The following LRRC49 variants were observed in gnomAD, a reference collection of about 807,000 sequenced individuals.
LRRC49 encodes the protein leucine-rich repeat-containing protein 49.
Under a neutral mutation model 83.3 loss-of-function variants are expected in LRRC49, and 50 were observed. The observed-to-expected ratio is 0.60, with a 90% CI of 0.48 to 0.76. The LOEUF is 0.76. Ranked by LOEUF, LRRC49 falls within the 30% of genes least tolerant of loss-of-function variation. LRRC49 has a pLI of 0.00. For missense variants in LRRC49, 704 were observed against 809.1 expected, an observed-to-expected ratio of 0.87 and a Z score of 1.58; for synonymous variants, 286 against 283.3, an observed-to-expected ratio of 1.01 and a Z score of -0.10.
At chr15:70,854,059 G>A in intron 1 of LRRC49, 2 of 1,392,296 alleles carry the variant, frequency 1.4e-6, no homozygotes, top group African/African-American at 1.5e-5. Flanking sequence ...TCTTGGGCCC[G>A]GGCCGAGCCT....
At chr15:70,957,164 T>C (rs2036432448) in intron 8 of LRRC49, among the ~76,000 whole-genome samples, 1 of 152,238 alleles carries the variant, frequency 6.6e-6, no homozygotes, top group South Asian at 2.1e-4. Context: ...ATTAGATCAA[T>C]TTAATTCCCC....
intron 1 of LRRC49, among the ~76,000 whole-genome samples, chr15:70,864,435 G>T (rs1445252331): frequency 1.3e-5 from 2 of 151,924 alleles, no homozygotes; most frequent in Non-Finnish European, 2.9e-5. Flanking sequence ...AAGGGGAGAG[G>T]TGTGGGTGAT....
chr15:71,044,470 T>G (rs1336276589), intron 15 of LRRC49, among the ~76,000 whole-genome samples: 1 of 152,182 alleles, frequency 6.6e-6, no homozygotes, highest in Non-Finnish European at 1.5e-5. Flanking sequence ...AATCAGGAAT[T>G]TAAAACATAT....
At chr15:70,997,047 A>G (rs1395774618) in intron 11 of LRRC49, among the ~76,000 whole-genome samples, 2 of 152,072 alleles carry the variant, frequency 1.3e-5, no homozygotes, top group Non-Finnish European at 2.9e-5. Context: ...GGTTTTCTAT[A>G]TATGTCTGCT....
chr15:70,980,271 G>C (rs535631695), intron 10 of LRRC49, 87 bp downstream of exon 10: 58 of 910,214 alleles, frequency 6.4e-5, no homozygotes, highest in Non-Finnish European at 1.6e-5. Context: ...TGGAAAAGTG[G>C]TTTCTAAACT....
chr15:70,893,489 T>C (rs1306805445), intron 1 of LRRC49, 95 bp from the exon 2 acceptor site: 1 of 745,986 alleles, frequency 1.3e-6, no homozygotes, highest in African/African-American at 1.8e-5. Context: ...TGTGTTCTAT[T>C]TTTTTGTTGT....
intron 8 of LRRC49, among the ~76,000 whole-genome samples, chr15:70,956,514 A>T (rs1217640794): frequency 6.6e-6 from 1 of 151,914 alleles, no homozygotes; most frequent in Admixed American, 6.6e-5. Flanking sequence ...AAAAAAAAAA[A>T]AAAGGTGGGG....
upstream of LRRC49, among the ~76,000 whole-genome samples, chr15:70,889,911 A>C (rs531602500): frequency 5.6e-4 from 85 of 152,362 alleles, no homozygotes; most frequent in Non-Finnish European, 9.1e-4. Flanking sequence ...GACCAGGCTA[A>C]ACATTTATTG....
intron 10 of LRRC49, among the ~76,000 whole-genome samples, chr15:70,981,219 A>G (rs1017763982): frequency 1.3e-5 from 2 of 151,952 alleles, no homozygotes; most frequent in African/African-American, 4.8e-5. Context: ...AATGGGATGG[A>G]CATTCTCAGC....
In LRRC49 at chr15:70,900,908, A is replaced by G. The variant is rs183705863; in HGVS notation, c.194-14A>G. The G allele has an allele frequency of 5.4e-6, 8 of 1,482,838 alleles. No individual in the cohort carries two copies. The East Asian group carries it at 9.1e-5, about 17-fold the overall frequency. 91.9% of individuals were successfully genotyped at this position (1,482,838 alleles called of 1,614,324 possible). On this transcript the variant is annotated splice_polypyrimidine_tract_variant and intron_variant, in intron 3 of 15. Coordinates refer to ENST00000260382, the MANE Select transcript of LRRC49 (RefSeq NM_017691.5). ...TTTTTCTTAATTAAGTAATTTGTAT[A>G]TCATTTTTAATAGGTGATCATATTA...
intron 8 of LRRC49, among the ~76,000 whole-genome samples, chr15:70,944,680 C>T (rs1165514754): frequency 2.6e-5 from 4 of 152,192 alleles, no homozygotes; most frequent in Non-Finnish European, 4.4e-5. Context: ...GCTGTGATTA[C>T]AGGCGTGAGC....
At chr15:70,895,306 A>C (rs2033784800) in intron 2 of LRRC49, among the ~76,000 whole-genome samples, 1 of 152,162 alleles carries the variant, frequency 6.6e-6, no homozygotes, top group African/African-American at 2.4e-5. Context: ...TTAAATATAC[A>C]ATTTTATTAT....
intron 14 of LRRC49, among the ~76,000 whole-genome samples, chr15:71,033,557 C>T (rs2039425433): frequency 6.6e-6 from 1 of 152,050 alleles, no homozygotes; most frequent in African/African-American, 2.4e-5. Flanking sequence ...TTATATGGAA[C>T]CAAAAAAGAG....
At chr15:70,953,901 T>C (rs2036308238) in intron 8 of LRRC49, among the ~76,000 whole-genome samples, 2 of 152,092 alleles carry the variant, frequency 1.3e-5, no homozygotes, top group South Asian at 4.1e-4. Context: ...CATTTTTATT[T>C]ATTTATTTAT....
rs558156990 is a variant in LRRC49, at chr15:70,974,525, G to A, written c.922-5576G>A. Reference sequence around the variant, plus strand: ...CTAGGAGAAAATATTTGTTATTCTGGTAAAGTATGTGAATGACAGAAACTA... The same window carrying A: ...CTAGGAGAAAATATTTGTTATTCTGATAAAGTATGTGAATGACAGAAACTA... On this transcript the variant is annotated intron_variant, in intron 9 of 15. Transcript: ENST00000260382. Among the ~76,000 whole-genome samples the A allele has an allele frequency of 3.3e-5, 5 of 152,054 alleles. No individual in the cohort carries two copies. The East Asian group carries it at 9.7e-4, about 29-fold the overall frequency.
chr15:70,993,828 C>CT (rs1373188227), intron 11 of LRRC49, among the ~76,000 whole-genome samples: 1 of 151,848 alleles, frequency 6.6e-6, no homozygotes. Context: ...GAAGTTAGTC[C>CT]TTCAATCCGT....
chr15:70,968,479 A>G (rs11639067), intron 9 of LRRC49, among the ~76,000 whole-genome samples: 1 of 152,156 alleles, frequency 6.6e-6, no homozygotes, highest in African/African-American at 2.4e-5. Flanking sequence ...ATAACTTATA[A>G]TCCTTTGGGT....
chr15:71,045,720 C>T (rs1223990583), intron 15 of LRRC49, among the ~76,000 whole-genome samples: 1 of 151,672 alleles, frequency 6.6e-6, no homozygotes, highest in Non-Finnish European at 1.5e-5. Flanking sequence ...AAATATTTCA[C>T]CTTTTAGATA....
chr15:70,875,502 G>A (rs1306852804), intron 2 of LRRC49, among the ~76,000 whole-genome samples: 1 of 152,098 alleles, frequency 6.6e-6, no homozygotes, highest in East Asian at 1.9e-4. Flanking sequence ...TGAGGGAACG[G>A]CCCAAAAAGG....
Sources: allele counts gnomAD v4.1 joint callset (sites outside exome capture counted in the v4.1 genomes callset), GRCh38; gene constraint gnomAD v4.1.1; transcripts MANE v1.5; gene names NCBI Gene and HGNC (gene_info 2026-07-23, HGNC 2026-07-21).